The following STARD13 variants were observed in gnomAD, a reference collection of about 807,000 sequenced individuals.
STARD13 encodes the protein StAR related lipid transfer domain containing 13.
STARD13 carries 62 observed loss-of-function variants against 106.4 expected under a neutral mutation model. The ratio of observed to expected loss-of-function variants is 0.58; its 90% confidence interval spans 0.48 to 0.72. The LOEUF (loss-of-function observed/expected upper bound fraction) is 0.72, where lower values mean the gene tolerates loss of function less well. STARD13 is among the 30% of genes least tolerant of loss of function. The probability of loss-of-function intolerance (pLI) is 0.00; values close to 1 mark genes in which losing one functional copy is unlikely to be tolerated. For missense variants in STARD13, 1,387 were observed against 1,424.0 expected, an observed-to-expected ratio of 0.97 and a Z score of 0.42; for synonymous variants, 565 against 553.0, an observed-to-expected ratio of 1.02 and a Z score of -0.31.
At chr13:33,200,349 G>C (rs1038042587) in intron 1 of STARD13, among the ~76,000 whole-genome samples, 2 of 152,204 alleles carry the variant, frequency 1.3e-5, no homozygotes, top group Admixed American at 6.5e-5. Context: ...CCCACCATCT[G>C]TATGTGGAAG....
chr13:33,137,231 C>G (rs1879173512), intron 4 of STARD13, among the ~76,000 whole-genome samples: 2 of 152,168 alleles, frequency 1.3e-5, no homozygotes, highest in Admixed American at 1.3e-4. Context: ...AAATCAGTCA[C>G]TCACCACTGA....
At chr13:33,623,255 A>G in the STARD13 span, among the ~76,000 whole-genome samples, 1 of 152,102 alleles carries the variant, frequency 6.6e-6, no homozygotes, top group African/African-American at 2.4e-5. Flanking sequence ...GCCATTTTCA[A>G]TGTCATAACA....
chr13:33,246,618 A>G (rs1566096124), intron 1 of STARD13, among the ~76,000 whole-genome samples: 1 of 152,218 alleles, frequency 6.6e-6, no homozygotes, highest in Non-Finnish European at 1.5e-5. Flanking sequence ...GGTAGATCCA[A>G]CGAGGATCCA....
the STARD13 span, among the ~76,000 whole-genome samples, chr13:33,456,382 G>A: frequency 1.3e-5 from 2 of 152,126 alleles, no homozygotes; most frequent in Non-Finnish European, 2.9e-5. Flanking sequence ...TAGAGATGGA[G>A]TTTCACCATG....
chr13:33,302,212 C>T (rs1351276198), intron 1 of STARD13, among the ~76,000 whole-genome samples: 2 of 152,100 alleles, frequency 1.3e-5, no homozygotes, highest in Non-Finnish European at 2.9e-5. Context: ...TGGAACTGTA[C>T]TAAGAGACTC....
At chr13:33,674,453 T>C in the STARD13 span, among the ~76,000 whole-genome samples, 4 of 152,222 alleles carry the variant, frequency 2.6e-5, no homozygotes. Context: ...AGCTCTGTAA[T>C]GGTGTGGTTT....
chr13:33,602,737 C>T, the STARD13 span, among the ~76,000 whole-genome samples: 1 of 152,192 alleles, frequency 6.6e-6, no homozygotes, highest in Admixed American at 6.5e-5. Flanking sequence ...CATCTCCTGT[C>T]AGAGCATTGA....
chr13:33,295,104 A>G (rs1892437986), intron 1 of STARD13, among the ~76,000 whole-genome samples: 1 of 152,186 alleles, frequency 6.6e-6, no homozygotes, highest in East Asian at 1.9e-4. Flanking sequence ...ATGCAATTGC[A>G]TTTCTTAGAT....
the STARD13 span, among the ~76,000 whole-genome samples, chr13:33,523,378 A>C: frequency 6.6e-6 from 1 of 152,122 alleles, no homozygotes; most frequent in Non-Finnish European, 1.5e-5. Context: ...TAATTTTTAA[A>C]GTTTCTCTTG....
At chr13:33,631,751 C>T in the STARD13 span, among the ~76,000 whole-genome samples, 4 of 142,910 alleles carry the variant, frequency 2.8e-5, no homozygotes, top group East Asian at 7.7e-4. Flanking sequence ...TACTTTATTT[C>T]TTTAAATATC....
the STARD13 span, among the ~76,000 whole-genome samples, chr13:33,563,098 A>G: frequency 1.4e-5 from 2 of 147,202 alleles, no homozygotes; most frequent in African/African-American, 5.1e-5. Context: ...TGAAGAGGGC[A>G]CAAAAAAATG....
chr13:33,236,915 C>T (rs993352754), intron 1 of STARD13, among the ~76,000 whole-genome samples: 2 of 152,200 alleles, frequency 1.3e-5, no homozygotes, highest in East Asian at 3.8e-4. Context: ...ATTTCAATCT[C>T]TTCTTCAGAG....
At position 33,112,920 on chromosome 13, in the gene STARD13, C is replaced by G. The variant is rs1392547164; in HGVS notation, c.2293G>C (p.Glu765Gln). The G allele has an allele frequency of 1.9e-6, 3 of 1,606,828 alleles. No homozygotes were observed. The African/African-American group carries it at 4.0e-5, about 22-fold the overall frequency. ...GCCTGCACGGCCTGCAGCCGCTGCT[C>G]TTTGGAGACATCTGAGGAAAAGTGG... Reference protein sequence around the residue: ...FLHIYQYVSKEQRLQAVQAAI... With the variant: ...FLHIYQYVSKQQRLQAVQAAI... Residue 765 changes from glutamate to glutamine, a missense_variant, in exon 9 of 14, where the codon GAG (glutamate) becomes CAG (glutamine). Coordinates refer to ENST00000336934, the MANE Select transcript of STARD13 (RefSeq NM_178006.4).
chr13:33,638,395 T>C, the STARD13 span, among the ~76,000 whole-genome samples: 1 of 152,176 alleles, frequency 6.6e-6, no homozygotes, highest in Non-Finnish European at 1.5e-5. Flanking sequence ...CACTGGTTCC[T>C]TCCAGAAAAG....
chr13:33,613,192 C>T, the STARD13 span, among the ~76,000 whole-genome samples: 1 of 152,180 alleles, frequency 6.6e-6, no homozygotes, highest in Admixed American at 6.5e-5. Flanking sequence ...ATTGTTTTCA[C>T]ATATATCACA....
At chr13:33,402,883 G>A in the STARD13 span, among the ~76,000 whole-genome samples, 1 of 152,204 alleles carries the variant, frequency 6.6e-6, no homozygotes, top group African/African-American at 2.4e-5. Flanking sequence ...ATCCCACTGA[G>A]AGCCACTTCC....
At chr13:33,114,660 G>T (rs1362805683) in intron 8 of STARD13, among the ~76,000 whole-genome samples, 1 of 152,132 alleles carries the variant, frequency 6.6e-6, no homozygotes, top group Non-Finnish European at 1.5e-5. Flanking sequence ...TAGGTAAGGT[G>T]TCCAGTGTGT....
intron 1 of STARD13, among the ~76,000 whole-genome samples, chr13:33,298,296 A>ATT (rs10718236): frequency 2.2e-5 from 3 of 137,888 alleles, no homozygotes; most frequent in African/African-American, 5.3e-5. Context: ...TGCTCAGCTA[A>ATT]TTTTTTTTTT....
At chr13:33,246,007 A>C (rs1273911029) in intron 1 of STARD13, among the ~76,000 whole-genome samples, 1 of 152,174 alleles carries the variant, frequency 6.6e-6, no homozygotes, top group East Asian at 1.9e-4. Context: ...TATTCACCGT[A>C]CAAGTAAGGA....
Sources: gnomAD v4.1 joint callset for allele counts (sites outside exome capture counted in the v4.1 genomes callset) on GRCh38, gnomAD v4.1.1 for gene constraint, MANE v1.5 for transcripts, NCBI Gene and HGNC (gene_info 2026-07-23, HGNC 2026-07-21) for gene names.